SLC12A7: variants seen among roughly 807,000 people sequenced by gnomAD.
The protein encoded by SLC12A7 is solute carrier family 12 member 7, also known as K-Cl cotransporter 4.
Under a neutral mutation model 120.6 loss-of-function variants are expected in SLC12A7, and 100 were observed. The ratio of observed to expected loss-of-function variants is 0.83; its 90% confidence interval spans 0.71 to 0.98. The LOEUF is 0.98. Among genes scored for constraint, SLC12A7 ranks in the 50% least tolerant of loss-of-function variants. The probability of loss-of-function intolerance (pLI) is 0.00; values close to 1 mark genes in which losing one functional copy is unlikely to be tolerated. For missense variants in SLC12A7, 1,373 were observed against 1,548.1 expected (o/e 0.89, Z 1.90); for synonymous variants, 760 against 678.0 (o/e 1.12, Z -1.88).
rs1561018087 is a variant in SLC12A7 at position 1,051,195 on chromosome 5, C to CA, written c.*1164dup. On this transcript the variant is annotated 3_prime_UTR_variant, in exon 24 of 24. Transcript: ENST00000264930. ...CCCTTGAAAGCTATCTCTTCAGTGCCACCGCCGCCTCCATGCAAGGCACAG... is the reference window on the plus strand; with the variant it reads ...CCCTTGAAAGCTATCTCTTCAGTGCCAACCGCCGCCTCCATGCAAGGCACAG... 2.8e-6 allele frequency: 1 copy of CA among 353,400 alleles called. No individual in the cohort carries two copies. The highest frequency in any genetic ancestry group is 5.1e-6 in the Non-Finnish European group (1 of 197,832). 21.9% of individuals were successfully genotyped at this position (353,400 alleles called of 1,614,324 possible).
intron 1 of SLC12A7, among the ~76,000 whole-genome samples, chr5:1,100,032 G>A (rs182407971): frequency 6.2e-4 from 95 of 152,306 alleles, no homozygotes; most frequent in African/African-American, 2.1e-3. Context: ...CATCCAGGGC[G>A]AGAAGAAGAA....
In SLC12A7 at chr5:1,051,832, G is replaced by A. The variant is rs1380392852; in HGVS notation, c.*528C>T. 2 of 154,108 alleles carry A rather than the reference G, an allele frequency of 1.3e-5. No individual in the cohort carries two copies. The highest frequency in any genetic ancestry group is 2.4e-5 in the African/African-American group (1 of 41,438). 9.5% of individuals were successfully genotyped at this position (154,108 alleles called of 1,614,324 possible). On this transcript the variant is annotated 3_prime_UTR_variant, in exon 24 of 24. Transcript: ENST00000264930. ...ATGGACAGAGTCCTCCAGCTTCAGTGCCTTGAGGTACAGAAACACAAAGAC... is the reference window on the plus strand; with the variant it reads ...ATGGACAGAGTCCTCCAGCTTCAGTACCTTGAGGTACAGAAACACAAAGAC...
At chr5:1,087,130 G>A in intron 5 of SLC12A7, 97 bp from the exon 6 acceptor site, 2 of 1,444,972 alleles carry the variant, frequency 1.4e-6, no homozygotes, top group South Asian at 1.4e-5. Flanking sequence ...AGGAGGGCCT[G>A]TCTCTGCGAA....
chr5:1,140,031 C>T, the SLC12A7 span, among the ~76,000 whole-genome samples: 3 of 152,298 alleles, frequency 2.0e-5, no homozygotes, highest in East Asian at 5.8e-4. Flanking sequence ...CCTCTGTCTC[C>T]CAGAGCATCC....
intron 20 of SLC12A7, among the ~76,000 whole-genome samples, chr5:1,061,022 G>GGAACAT (rs1736147546): frequency 1.6e-5 from 2 of 127,668 alleles, no homozygotes; most frequent in African/African-American, 6.6e-5. Flanking sequence ...AGTCTCACCC[G>GGAACAT]CCGCACCCGC....
At chr5:1,059,800 C>T (rs1735996821) in intron 21 of SLC12A7, among the ~76,000 whole-genome samples, 1 of 151,374 alleles carries the variant, frequency 6.6e-6, no homozygotes, top group East Asian at 2.0e-4. Flanking sequence ...CCCTCCAGCT[C>T]GCTTCCCTCC....
chr5:1,061,544 G>A (rs149644803), intron 20 of SLC12A7, among the ~76,000 whole-genome samples: 6,446 of 131,094 alleles, frequency 0.049, 717 homozygotes, highest in African/African-American at 0.22. Context: ...CGCCATGCGG[G>A]ACCCCTGCGT....
intron 21 of SLC12A7, among the ~76,000 whole-genome samples, chr5:1,058,602 C>G (rs1053576759): frequency 1.3e-5 from 2 of 152,224 alleles, no homozygotes; most frequent in African/African-American, 4.8e-5. Flanking sequence ...TTCTTCTTCC[C>G]TGGATAAAAC....
chr5:1,076,530 T>C (rs948649747), intron 13 of SLC12A7, among the ~76,000 whole-genome samples, 164 bp downstream of exon 13: 7 of 134,296 alleles, frequency 5.2e-5, no homozygotes, highest in Non-Finnish European at 9.8e-5. Context: ...TGGAGGCCTG[T>C]GTACTTGTCT....
chr5:1,098,116 CT>C (rs1176042180), intron 1 of SLC12A7, among the ~76,000 whole-genome samples: 1 of 127,904 alleles, frequency 7.8e-6, no homozygotes, highest in Non-Finnish European at 1.6e-5. Flanking sequence ...CCCAGCCCCC[CT>C]CTAACCCTCT....
chr5:1,102,633 G>C (rs1004488673), intron 1 of SLC12A7, among the ~76,000 whole-genome samples: 1 of 152,154 alleles, frequency 6.6e-6, no homozygotes, highest in Non-Finnish European at 1.5e-5. Context: ...GGGTGGCACC[G>C]GACCTGTGCA....
the SLC12A7 span, among the ~76,000 whole-genome samples, chr5:1,131,410 G>A: frequency 6.6e-6 from 1 of 152,232 alleles, no homozygotes; most frequent in South Asian, 2.1e-4. Context: ...GCAACAGGCA[G>A]ATGGTTCCAG....
At chr5:1,056,542 C>A (rs748032165) in intron 22 of SLC12A7, 22 of 978,278 alleles carry the variant, frequency 2.2e-5, no homozygotes, top group Non-Finnish European at 2.6e-5. Context: ...GCAGGGCAAC[C>A]GGGCCCGGAA....
At chr5:1,076,518 C>T (rs1297944586) in intron 13 of SLC12A7, among the ~76,000 whole-genome samples, 176 bp downstream of exon 13, 1 of 133,184 alleles carries the variant, frequency 7.5e-6, no homozygotes, top group Non-Finnish European at 1.6e-5. Context: ...CGGGCGGCTG[C>T]CTGGAGGCCT....
chr5:1,148,193 TTTTCTTTC>T, the SLC12A7 span, among the ~76,000 whole-genome samples: 2 of 147,686 alleles, frequency 1.4e-5, no homozygotes, highest in Non-Finnish European at 3.0e-5. Flanking sequence ...GTTGATACTT[TTTTCTTTC>T]TTTCTTTTTT....
chr5:1,054,849 C>CCCCA (rs1446664908), intron 22 of SLC12A7, among the ~76,000 whole-genome samples: 1 of 152,260 alleles, frequency 6.6e-6, no homozygotes, highest in Admixed American at 6.5e-5. Flanking sequence ...CAGATGGGGT[C>CCCCA]TCTGTCCACA....
In SLC12A7 at chr5:1,051,383, C is replaced by A. The variant is rs1172331408; in HGVS notation, c.*977G>T. 1 of 136,132 alleles carries A rather than the reference C, an allele frequency of 7.3e-6. No homozygotes were observed. The highest frequency in any genetic ancestry group is 3.3e-3 in the Middle Eastern group (1 of 302). 8.4% of individuals were successfully genotyped at this position (136,132 alleles called of 1,614,324 possible). A position where few individuals can be genotyped will look rare whatever the true frequency, so the allele number is the denominator to read the frequency against. The stretch of plus-strand genomic sequence containing the variant: ...CAGAGGCTGAACTGTGTGCCGTGCT[C>A]CTGGGGTGGGGTGGGGTGGGGAGGG... On this transcript the variant is annotated 3_prime_UTR_variant, in exon 24 of 24. Transcript: ENST00000264930.
the SLC12A7 span, among the ~76,000 whole-genome samples, chr5:1,127,075 C>T: frequency 3.9e-5 from 6 of 152,170 alleles, no homozygotes; most frequent in Admixed American, 3.3e-4. Flanking sequence ...AGTGCAGTGG[C>T]GCAATCTCGG....
chr5:1,052,482 A>G, intron 23 of SLC12A7, 31 bp from the exon 24 acceptor site: 1 of 1,539,134 alleles, frequency 6.5e-7, no homozygotes, highest in East Asian at 2.2e-5. Context: ...GCCACAGCTG[A>G]TCTTACCTGA....
Sources: gnomAD v4.1 joint callset for allele counts (sites outside exome capture counted in the v4.1 genomes callset) on GRCh38, gnomAD v4.1.1 for gene constraint, MANE v1.5 for transcripts, NCBI Gene and HGNC (gene_info 2026-07-23, HGNC 2026-07-21) for gene names.